The following CLASP2 variants were observed in gnomAD, a reference collection of about 807,000 sequenced individuals.
The protein encoded by CLASP2 is cytoplasmic linker associated protein 2, also known as CLIP-associating protein 2.
In CLASP2, 47 loss-of-function variants were observed where a neutral mutation model predicts 194.4. The observed-to-expected ratio is 0.24, with a 90% CI of 0.19 to 0.31. CLASP2 has a LOEUF of 0.31. Among genes scored for constraint, CLASP2 ranks in the 10% least tolerant of loss-of-function variants. The pLI is 1.00. For missense variants in CLASP2, 1,445 were observed against 1,823.6 expected (o/e 0.79, Z 3.78); for synonymous variants, 619 against 633.5 (o/e 0.98, Z 0.34).
intron 8 of CLASP2, among the ~76,000 whole-genome samples, chr3:33,638,044 A>T (rs540731273): frequency 6.6e-6 from 1 of 152,228 alleles, no homozygotes; most frequent in Non-Finnish European, 1.5e-5. Context: ...AATAGCTGTC[A>T]TTCTTGATGC....
intron 34 of CLASP2, among the ~76,000 whole-genome samples, chr3:33,533,067 A>G (rs911822615): frequency 2.6e-5 from 4 of 152,232 alleles, no homozygotes; most frequent in Admixed American, 2.6e-4. Context: ...CAATCAAGGC[A>G]AGAAAAGTCA....
At chr3:33,708,272 C>A (rs1310271110) in intron 1 of CLASP2, among the ~76,000 whole-genome samples, 1 of 150,578 alleles carries the variant, frequency 6.6e-6, no homozygotes, top group Non-Finnish European at 1.5e-5. Context: ...CTGTTACTAT[C>A]TATAAATTTG....
chr3:33,662,115 A>C (rs1049877077), intron 7 of CLASP2, among the ~76,000 whole-genome samples: 1 of 152,242 alleles, frequency 6.6e-6, no homozygotes, highest in Non-Finnish European at 1.5e-5. Context: ...GTGATAAACA[A>C]GAGAAAAAGT....
At chr3:33,631,308 AG>A (rs2079040248) in intron 9 of CLASP2, among the ~76,000 whole-genome samples, 1 of 152,246 alleles carries the variant, frequency 6.6e-6, no homozygotes, top group Non-Finnish European at 1.5e-5. Context: ...GTAACATCTA[AG>A]TAAACTTAAA....
At chr3:33,635,732 T>G (rs1234655937) in intron 8 of CLASP2, among the ~76,000 whole-genome samples, 1 of 152,088 alleles carries the variant, frequency 6.6e-6, no homozygotes, top group African/African-American at 2.4e-5. Flanking sequence ...TTTAAAAAAG[T>G]TTTTCCTTAT....
intron 3 of CLASP2, among the ~76,000 whole-genome samples, chr3:33,688,698 T>G (rs2090998928): frequency 6.6e-6 from 1 of 152,206 alleles, no homozygotes; most frequent in African/African-American, 2.4e-5. Flanking sequence ...TCAATAACAA[T>G]GCTGCCATTA....
At chr3:33,584,994 G>A in intron 21 of CLASP2, 74 bp from the exon 22 acceptor site, 9 of 1,333,794 alleles carry the variant, frequency 6.7e-6, no homozygotes, top group Non-Finnish European at 9.3e-6. Context: ...AAAAATTCAA[G>A]AAATATTGAT....
intron 5 of CLASP2, 115 bp from the exon 6 acceptor site, chr3:33,684,571 C>T: frequency 3.6e-6 from 2 of 554,198 alleles, no homozygotes; most frequent in Non-Finnish European, 6.1e-6. Context: ...GATTTTAATG[C>T]CCCTGCATAT....
At chr3:33,667,821 A>T (rs2086462515) in intron 6 of CLASP2, among the ~76,000 whole-genome samples, 1 of 152,214 alleles carries the variant, frequency 6.6e-6, no homozygotes. Flanking sequence ...TTATTTCAGT[A>T]TAGTTCCATC....
At chr3:33,663,346 C>T (rs1341822651) in intron 7 of CLASP2, 99 bp downstream of exon 7, 1 of 763,146 alleles carries the variant, frequency 1.3e-6, no homozygotes, top group Non-Finnish European at 2.0e-6. Context: ...TTTCAAGCCA[C>T]AAAATCAACT....
At chr3:33,539,978 C>T (rs989052906) in intron 32 of CLASP2, among the ~76,000 whole-genome samples, 106 of 148,550 alleles carry the variant, frequency 7.1e-4, no homozygotes, top group Non-Finnish European at 1.3e-3. Flanking sequence ...AGTGCAATGG[C>T]GCAACCTTGG....
rs368578045 is a variant in CLASP2 at position 33,574,416 on chromosome 3, A to G, written c.2455-1062T>C. The G allele has an allele frequency of 2.1e-5, 23 of 1,079,262 alleles. 1 individual carries two copies. In the South Asian group the frequency reaches 3.7e-4, roughly 17 times the overall value. The allele number at this position is 1,079,262 out of a possible 1,614,324, so 66.9% of individuals were successfully genotyped here. A position where few individuals can be genotyped will look rare whatever the true frequency, so the allele number is the denominator to read the frequency against. ...TAGAAGACCATCATTTGTTAAATTG[A>G]TGAAAGAAAAAAAAGTTATGGTATC... On this transcript the variant is annotated intron_variant, in intron 24 of 38. Coordinates refer to ENST00000682230, the MANE Select transcript of CLASP2 (RefSeq NM_001365631.1).
At chr3:33,579,789 T>G (rs1284713354) in intron 23 of CLASP2, among the ~76,000 whole-genome samples, 1 of 152,162 alleles carries the variant, frequency 6.6e-6, no homozygotes, top group East Asian at 1.9e-4. Context: ...CATAGAAAGG[T>G]TACGTAGCTG....
intron 34 of CLASP2, among the ~76,000 whole-genome samples, chr3:33,518,415 AT>A (rs2052028152): frequency 6.6e-6 from 1 of 152,220 alleles, no homozygotes; most frequent in African/African-American, 2.4e-5. Flanking sequence ...CAAATACACT[AT>A]AAATTCAGAC....
At chr3:33,520,177 C>G (rs1266665108) in intron 34 of CLASP2, among the ~76,000 whole-genome samples, 1 of 148,384 alleles carries the variant, frequency 6.7e-6, no homozygotes, top group Non-Finnish European at 1.5e-5. Flanking sequence ...CCACGCCCAG[C>G]TAATTTTTGT....
intron 21 of CLASP2, 63 bp downstream of exon 21, chr3:33,592,332 C>T: frequency 4.2e-6 from 5 of 1,186,348 alleles, no homozygotes; most frequent in Non-Finnish European, 5.0e-6. Flanking sequence ...TACAGTAATA[C>T]AAAAGCAACA....
chr3:33,707,412 A>C (rs981730426), intron 1 of CLASP2, among the ~76,000 whole-genome samples: 1 of 152,236 alleles, frequency 6.6e-6, no homozygotes, highest in East Asian at 1.9e-4. Flanking sequence ...TATATAAACC[A>C]TATCACTAGG....
Position 33,602,814 on chromosome 3 carries a change from G to A in CLASP2, c.1924+138C>T, listed in dbSNP as rs564052213. ...GCTCAGATTCCTCAGAAGTGTGTCC[G>A]CAATATAGAATTATATTAAAACATA... On this transcript the variant is annotated intron_variant, in intron 18 of 38. Transcript: ENST00000682230. The A allele has an allele frequency of 3.9e-5, 36 of 913,038 alleles. No individual in the cohort carries two copies. In the East Asian group the frequency reaches 6.8e-4, roughly 17 times the overall value. The allele number at this position is 913,038 out of a possible 1,614,324, so 56.6% of individuals were successfully genotyped here. A position where few individuals can be genotyped will look rare whatever the true frequency, so the allele number is the denominator to read the frequency against.
intron 27 of CLASP2, among the ~76,000 whole-genome samples, chr3:33,562,058 A>T (rs2061875529): frequency 6.6e-6 from 1 of 152,174 alleles, no homozygotes; most frequent in South Asian, 2.1e-4. Flanking sequence ...TTCTTTAGAA[A>T]TGAAGGATTT....
Sources: gnomAD v4.1 joint callset for allele counts (sites outside exome capture counted in the v4.1 genomes callset) on GRCh38, gnomAD v4.1.1 for gene constraint, MANE v1.5 for transcripts, NCBI Gene and HGNC (gene_info 2026-07-23, HGNC 2026-07-21) for gene names.